The following AHI1 variants were observed in gnomAD, a reference collection of about 807,000 sequenced individuals.
AHI1 encodes the protein Abelson helper integration site 1.
Under a neutral mutation model 149.3 loss-of-function variants are expected in AHI1, and 123 were observed. The observed-to-expected ratio is 0.82, with a 90% CI of 0.71 to 0.96. The LOEUF is 0.96. AHI1 is among the 40% of genes least tolerant of loss of function. The pLI, the probability that AHI1 is intolerant of heterozygous loss-of-function variation, is 0.00. For missense variants in AHI1, 1,439 were observed against 1,422.7 expected (o/e 1.01, Z -0.18); for synonymous variants, 475 against 459.8 (o/e 1.03, Z -0.42).
At position 135,402,646 on chromosome 6, in the gene AHI1, C is replaced by T. The variant is rs140152385; in HGVS notation, c.2988+2305G>A. On this transcript the variant is annotated intron_variant, in intron 22 of 28. Coordinates refer to ENST00000265602, the MANE Select transcript of AHI1 (RefSeq NM_001134831.2). ...TCTGCCTCTGCCCCCAGTGAAATAG[C>T]AAGACCAAACCCTCATTTTCCTCCT... Among the ~76,000 whole-genome samples the T allele has an allele frequency of 7.6e-4, 116 of 152,112 alleles. 3 individuals carry two copies. The East Asian group carries it at 0.02, about 26-fold the overall frequency.
intron 24 of AHI1, among the ~76,000 whole-genome samples, chr6:135,327,471 C>T (rs550140980): frequency 3.3e-5 from 5 of 152,286 alleles, no homozygotes; most frequent in Admixed American, 2.0e-4. Flanking sequence ...TTCAAGTACA[C>T]GCAGACCTCA....
At chr6:135,421,657 G>A (rs1245448796) in intron 20 of AHI1, among the ~76,000 whole-genome samples, 1 of 151,828 alleles carries the variant, frequency 6.6e-6, no homozygotes, top group African/African-American at 2.4e-5. Flanking sequence ...AAACACCACT[G>A]TAAACATTAA....
intron 5 of AHI1, 188 bp downstream of exon 5, chr6:135,490,435 T>A: frequency 1.4e-6 from 1 of 702,414 alleles, no homozygotes; most frequent in South Asian, 1.9e-5. Context: ...CACTCAAGAA[T>A]GAAGTCAATA....
intron 24 of AHI1, among the ~76,000 whole-genome samples, chr6:135,354,726 A>C (rs1460769475): frequency 1.3e-5 from 2 of 152,182 alleles, no homozygotes; most frequent in Non-Finnish European, 2.9e-5. Flanking sequence ...AAGTGGCATG[A>C]TGTAAGTCTT....
At chr6:135,311,049 C>T (rs185585823) in intron 26 of AHI1, among the ~76,000 whole-genome samples, 64 of 152,118 alleles carry the variant, frequency 4.2e-4, no homozygotes, top group African/African-American at 1.2e-3. Context: ...CACTTGTCAT[C>T]GCAGCACTTT....
intron 5 of AHI1, among the ~76,000 whole-genome samples, chr6:135,481,045 G>A (rs916374207): frequency 2.0e-5 from 3 of 152,184 alleles, no homozygotes; most frequent in African/African-American, 7.2e-5. Flanking sequence ...AAAGGTTGGG[G>A]ACGGCTGGAT....
chr6:135,374,213 C>T (rs746586233), intron 23 of AHI1, among the ~76,000 whole-genome samples: 3 of 148,302 alleles, frequency 2.0e-5, no homozygotes, highest in Non-Finnish European at 3.0e-5. Context: ...TCCAGGTTCA[C>T]GCCATTCTCC....
At chr6:135,341,657 A>G (rs1395219688) in intron 24 of AHI1, among the ~76,000 whole-genome samples, 1 of 151,972 alleles carries the variant, frequency 6.6e-6, no homozygotes. Flanking sequence ...ATAAACTGAA[A>G]AAGAAATCAT....
At chr6:135,362,512 C>G (rs745723638) in intron 23 of AHI1, among the ~76,000 whole-genome samples, 15 of 152,166 alleles carry the variant, frequency 9.9e-5, no homozygotes, top group Non-Finnish European at 2.1e-4. Flanking sequence ...TCCCTTTTCA[C>G]CACATTTACA....
chr6:135,369,940 A>G (rs546269678), intron 23 of AHI1, among the ~76,000 whole-genome samples: 2 of 152,288 alleles, frequency 1.3e-5, no homozygotes, highest in African/African-American at 2.4e-5. Context: ...ATGGTTCCTC[A>G]TAAGTTATTT....
At chr6:135,287,358 G>A (rs924440025) in intron 28 of AHI1, among the ~76,000 whole-genome samples, 1 of 152,176 alleles carries the variant, frequency 6.6e-6, no homozygotes, top group African/African-American at 2.4e-5. Flanking sequence ...AGACTCAGAA[G>A]AGGAAGAAAC....
chr6:135,346,247 T>A lies in AHI1; in HGVS notation c.3165+11885A>T, dbSNP rs527798277. On this transcript the variant is annotated intron_variant, in intron 24 of 28. Transcript: ENST00000265602. Reference sequence around the variant, plus strand: ...TCTCACTTTGTTGCCCAGGCTGGAGTGCAGTGGCGCGATCTTGGCTCACTG... The same window carrying A: ...TCTCACTTTGTTGCCCAGGCTGGAGAGCAGTGGCGCGATCTTGGCTCACTG... Among the ~76,000 whole-genome samples the A allele has an allele frequency of 4.6e-5, 7 of 152,290 alleles. No homozygotes were observed. The East Asian group carries it at 9.6e-4, about 21-fold the overall frequency.
intron 23 of AHI1, among the ~76,000 whole-genome samples, chr6:135,359,718 A>C (rs1793552973): frequency 6.6e-6 from 1 of 152,304 alleles, no homozygotes; most frequent in East Asian, 1.9e-4. Context: ...AACATCTTAC[A>C]CACGTCTTCT....
At chr6:135,444,463 A>T (rs1434649360) in intron 13 of AHI1, among the ~76,000 whole-genome samples, 1 of 152,124 alleles carries the variant, frequency 6.6e-6, no homozygotes, top group Non-Finnish European at 1.5e-5. Context: ...TGAATACAAC[A>T]GGTCCTTTCC....
rs145142984 is a variant in AHI1 at position 135,312,170 on chromosome 6, C to T, written c.3426+6349G>A. On this transcript the variant is annotated intron_variant, in intron 26 of 28. Coordinates refer to ENST00000265602, the MANE Select transcript of AHI1 (RefSeq NM_001134831.2). ...CTTTTTTCATTAAAAATATAGAGTA[C>T]AATTCTTAAAACTTACACATGAAGA... 5.4e-4 allele frequency among the ~76,000 whole-genome samples: 82 copies of T among 152,110 alleles called. 1 individual carries two copies. In the East Asian group the frequency reaches 0.015, roughly 28 times the overall value.
rs1783847045 is a variant in AHI1, at chr6:135,301,261, C to T, written c.3427-703G>A. ...AGATAATCACGTTATGGAAAGGATT[C>T]GTTTAACACTCACAAAGAAAATATA... is the stretch of plus-strand genomic sequence containing the variant. On this transcript the variant is annotated intron_variant, in intron 26 of 28. Transcript: ENST00000265602. 9 of 983,608 alleles carry T rather than the reference C, an allele frequency of 9.1e-6. No individual in the cohort carries two copies. The South Asian group carries it at 1.4e-4, about 15-fold the overall frequency. The allele number at this position is 983,608 out of a possible 1,614,324, so 60.9% of individuals were successfully genotyped here. A position where few individuals can be genotyped will look rare whatever the true frequency, so the allele number is the denominator to read the frequency against.
intron 24 of AHI1, among the ~76,000 whole-genome samples, chr6:135,355,928 T>A (rs1012279359): frequency 1.1e-3 from 171 of 150,748 alleles, no homozygotes; most frequent in African/African-American, 3.9e-3. Flanking sequence ...CAAACAAACA[T>A]ATCTTTCCCT....
In AHI1 at chr6:135,460,985, T is replaced by C. The variant is rs13437358; in HGVS notation, c.931+2140A>G. On this transcript the variant is annotated intron_variant, in intron 8 of 28. Transcript: ENST00000265602. ...AACAGTAAAACTTTTAGAATAAAAC[T>C]TTTAGAAAAATATCTTCAGAACTTA... Among the ~76,000 whole-genome samples, 1,474 of 152,272 alleles carry C rather than the reference T, an allele frequency of 9.7e-3. 29 individuals carry two copies. Among genetic ancestry groups the C allele is most frequent in the African/African-American group, 0.033 (1,382 of 41,538 alleles).
chr6:135,406,348 G>C (rs1780794151), intron 21 of AHI1, among the ~76,000 whole-genome samples: 1 of 152,128 alleles, frequency 6.6e-6, no homozygotes, highest in South Asian at 2.1e-4. Context: ...TCACTAAAAG[G>C]AGACAGTTAA....
Sources: allele counts gnomAD v4.1 joint callset (sites outside exome capture counted in the v4.1 genomes callset), GRCh38; gene constraint gnomAD v4.1.1; transcripts MANE v1.5; gene names NCBI Gene and HGNC (gene_info 2026-07-23, HGNC 2026-07-21).